The following SMCO1 variants were observed in gnomAD, a reference collection of about 807,000 sequenced individuals.
SMCO1 encodes the protein single-pass membrane and coiled-coil domain-containing protein 1.
Under a neutral mutation model 7.5 loss-of-function variants are expected in SMCO1, and 9 were observed. That is an observed-to-expected ratio of 1.20 (90% CI 0.72 to 2.09). The LOEUF (loss-of-function observed/expected upper bound fraction) is 2.09. Among genes scored for constraint, SMCO1 ranks in the 30% most tolerant of loss-of-function variants. The probability of loss-of-function intolerance (pLI) is 0.00; values close to 1 mark genes in which losing one functional copy is unlikely to be tolerated. For missense variants in SMCO1, 219 were observed against 253.1 expected, an observed-to-expected ratio of 0.87 and a Z score of 0.91; for synonymous variants, 90 against 93.8, an observed-to-expected ratio of 0.96 and a Z score of 0.23.
chr3:196,511,786 G>A (rs865976619), intron 1 of SMCO1, among the ~76,000 whole-genome samples: 29 of 97,824 alleles, frequency 3.0e-4, no homozygotes, highest in African/African-American at 8.9e-4. Flanking sequence ...TGCCTGGGCC[G>A]CCTAGATTGT....
chr3:196,510,590 A>C (rs1417885356), intron 1 of SMCO1, among the ~76,000 whole-genome samples: 1 of 151,878 alleles, frequency 6.6e-6, no homozygotes, highest in Admixed American at 6.6e-5. Context: ...CTTATACCCT[A>C]TTTTCTACCC....
chr3:196,515,055 A>AATG, intron 1 of SMCO1, 105 bp downstream of exon 1: 1 of 1,362,106 alleles, frequency 7.3e-7, no homozygotes, highest in Non-Finnish European at 1.0e-6. Context: ...ACAGAATTCT[A>AATG]ATGAGCATGT....
At chr3:196,510,030 C>T (rs114850416) in intron 1 of SMCO1, among the ~76,000 whole-genome samples, 6,686 of 152,150 alleles carry the variant, frequency 0.044, 483 homozygotes, top group African/African-American at 0.15. Flanking sequence ...TCACCCAAAC[C>T]GGAGTGCAGT....
chr3:196,515,121 C>T (rs375458427), intron 1 of SMCO1, 39 bp downstream of exon 1: 6 of 1,609,396 alleles, frequency 3.7e-6, no homozygotes, highest in African/African-American at 2.7e-5. Flanking sequence ...CCCAGAATAG[C>T]AGACCCATGC....
rs1446376242 is a variant in SMCO1 at position 196,507,781 on chromosome 3, TCTCA to T, written c.*102_*105del. On this transcript the variant is annotated 3_prime_UTR_variant, in exon 3 of 3. Coordinates refer to ENST00000397537, the MANE Select transcript of SMCO1 (RefSeq NM_001077657.3). ...ATTTGTCATAATTTATTTAACATCC[TCTCA>T]CTCTTTGCTATAAAAATAAGACTAT... The T allele has an allele frequency of 1.5e-6, 1 of 663,104 alleles. No homozygotes were observed. Among genetic ancestry groups the T allele is most frequent in the Non-Finnish European group, 2.6e-6 (1 of 385,134 alleles). The allele number at this position is 663,104 out of a possible 1,614,324, so 41.1% of individuals were successfully genotyped here.
rs1733079767 is a variant in SMCO1 at position 196,507,540 on chromosome 3, TTGTGTATCTC to T, written c.*337_*346del. 1 of 152,614 alleles carries T rather than the reference TTGTGTATCTC, an allele frequency of 6.6e-6. No individual in the cohort carries two copies. The highest frequency in any genetic ancestry group is 2.4e-5 in the African/African-American group (1 of 41,440). The allele number at this position is 152,614 out of a possible 1,614,324, so 9.5% of individuals were successfully genotyped here. On this transcript the variant is annotated 3_prime_UTR_variant, in exon 3 of 3. Coordinates refer to ENST00000397537, the MANE Select transcript of SMCO1 (RefSeq NM_001077657.3). ...CCTGACAACTAATGTTATCACTGTC[TTGTGTATCTC>T]TGCAGAAGAAGTTTATGGATATGTA...
chr3:196,509,062 T>A (rs1390454388), intron 2 of SMCO1, among the ~76,000 whole-genome samples: 1 of 151,730 alleles, frequency 6.6e-6, no homozygotes, highest in Non-Finnish European at 1.5e-5. Flanking sequence ...TCTTTTTTTT[T>A]TCTTTGAGAC....
chr3:196,514,742 A>G (rs981436312), intron 1 of SMCO1, among the ~76,000 whole-genome samples: 1 of 152,200 alleles, frequency 6.6e-6, no homozygotes, highest in African/African-American at 2.4e-5. Flanking sequence ...CCACTGTAAT[A>G]GAGACGGAAT....
chr3:196,520,318 C>A (rs193188817), upstream of SMCO1, among the ~76,000 whole-genome samples: 273 of 152,292 alleles, frequency 1.8e-3, no homozygotes, highest in African/African-American at 6.0e-3. Flanking sequence ...AAGTTTTGTA[C>A]AATGGACTCA....
Position 196,508,076 on chromosome 3 carries a change from G to C in SMCO1, c.456C>G (p.His152Gln). Reference sequence around the variant, plus strand: ...ACATCTGCCTCACTTTAGCAGTATAGTGTTCTGCCTTGTTACCACGTGCAA... The same window carrying C: ...ACATCTGCCTCACTTTAGCAGTATACTGTTCTGCCTTGTTACCACGTGCAA... ...FFIARGNKAE[H>Q]YTAKVRQMYI... Residue 152 changes from histidine (H) to glutamine (Q), a missense_variant, in exon 3 of 3, where the codon CAC (histidine) becomes CAG (glutamine). By Grantham distance (24) the His-to-Gln change is conservative (BLOSUM62 0). Transcript: ENST00000397537. The C allele has an allele frequency of 6.2e-7, 1 of 1,614,154 alleles. No homozygotes were observed. The highest frequency in any genetic ancestry group is 8.5e-7 in the Non-Finnish European group (1 of 1,180,024).
intron 1 of SMCO1, among the ~76,000 whole-genome samples, chr3:196,512,316 G>A (rs1036072312): frequency 2.6e-5 from 4 of 152,022 alleles, no homozygotes; most frequent in African/African-American, 7.3e-5. Flanking sequence ...CTAGATTGTC[G>A]TTATGAGGGA....
chr3:196,508,046 G>GT lies in SMCO1; in HGVS notation c.485_486insA (p.Arg163GlnfsTer9), dbSNP rs1294153630. The GT allele has an allele frequency of 6.2e-7, 1 of 1,614,156 alleles. No homozygotes were observed. The highest frequency in any genetic ancestry group is 8.5e-7 in the Non-Finnish European group (1 of 1,180,014). On this transcript the variant is annotated frameshift_variant, in exon 3 of 3. Coordinates refer to ENST00000397537, the MANE Select transcript of SMCO1 (RefSeq NM_001077657.3). LOFTEE classifies it low-confidence loss of function (END_TRUNC). ...TAGTAATTAGGAACGTGACATCCCT[G>GT]ATGTACATCTGCCTCACTTTAGCAG...
At position 196,506,904 on chromosome 3, in the gene SMCO1, G is replaced by A. The variant is rs1733058730; in HGVS notation, c.*983C>T. 1 of 152,168 alleles carries A rather than the reference G, an allele frequency of 6.6e-6. No homozygotes were observed. The highest frequency in any genetic ancestry group is 1.9e-4 in the East Asian group (1 of 5,190). 9.4% of individuals were successfully genotyped at this position (152,168 alleles called of 1,614,324 possible). A position where few individuals can be genotyped will look rare whatever the true frequency, so the allele number is the denominator to read the frequency against. ...TGAGTAAGGCAAAGTAGAATTTATT[G>A]AGTGACAGAACGGCTCTTGGCAGTG... On this transcript the variant is annotated 3_prime_UTR_variant, in exon 3 of 3. Coordinates refer to ENST00000397537, the MANE Select transcript of SMCO1 (RefSeq NM_001077657.3).
At chr3:196,509,441 A>C (rs1733155977) in intron 2 of SMCO1, 79 bp downstream of exon 2, 2 of 1,227,860 alleles carry the variant, frequency 1.6e-6, no homozygotes, top group Non-Finnish European at 2.3e-6. Flanking sequence ...GAAACATACT[A>C]AGAAATTCAA....
upstream of SMCO1, among the ~76,000 whole-genome samples, chr3:196,519,439 A>T (rs1422641177): frequency 2.0e-5 from 3 of 152,246 alleles, no homozygotes; most frequent in Non-Finnish European, 4.4e-5. Flanking sequence ...GCTTCTGTGA[A>T]TAGGAAAATT....
chr3:196,516,010 T>A (rs1189066793), upstream of SMCO1, among the ~76,000 whole-genome samples: 1 of 93,602 alleles, frequency 1.1e-5, no homozygotes, highest in Non-Finnish European at 1.7e-5. Flanking sequence ...TATATATATA[T>A]ATATATATAT....
At chr3:196,514,992 G>A (rs777936107) in intron 1 of SMCO1, 168 bp downstream of exon 1, 11 of 743,708 alleles carry the variant, frequency 1.5e-5, no homozygotes, top group Non-Finnish European at 2.3e-5. Flanking sequence ...CGCCCACCTC[G>A]GCCTCCCAGT....
At chr3:196,517,604 A>G (rs1310461690), upstream of SMCO1, among the ~76,000 whole-genome samples, 1 of 141,852 alleles carries the variant, frequency 7.0e-6, no homozygotes, top group Non-Finnish European at 1.5e-5. Context: ...TTCCCTATAC[A>G]TATCTAACAG....
chr3:196,509,756 A>G, intron 1 of SMCO1, 87 bp from the exon 2 acceptor site: 1 of 1,134,640 alleles, frequency 8.8e-7, no homozygotes, highest in Non-Finnish European at 1.2e-6. Flanking sequence ...TACATTATTT[A>G]CAACCATTAC....
Sources: allele counts gnomAD v4.1 joint callset (sites outside exome capture counted in the v4.1 genomes callset), GRCh38; gene constraint gnomAD v4.1.1; transcripts MANE v1.5; gene names NCBI Gene and HGNC (gene_info 2026-07-23, HGNC 2026-07-21).